Variants in DNAJC2 observed in about 807,000 individuals in gnomAD.
The protein encoded by DNAJC2 is dnaJ homolog subfamily C member 2.
DNAJC2 carries 32 observed loss-of-function variants against 94.0 expected under a neutral mutation model. That is an observed-to-expected ratio of 0.34 (90% CI 0.26 to 0.46). The LOEUF is 0.46. Ranked by LOEUF, DNAJC2 falls within the 20% of genes least tolerant of loss-of-function variation. The probability of loss-of-function intolerance (pLI) is 1.00; values close to 1 mark genes in which losing one functional copy is unlikely to be tolerated. For missense variants in DNAJC2, 550 were observed against 719.5 expected (o/e 0.76, Z 2.69); for synonymous variants, 210 against 229.7 (o/e 0.91, Z 0.77).
At chr7:103,320,707 G>A (rs140178964) in intron 10 of DNAJC2, 2,633 of 151,028 alleles carry the variant, frequency 0.017, 37 homozygotes, top group Non-Finnish European at 0.023. Context: ...TTGCGCCACT[G>A]TACTCCAGCC....
rs1398404512 is a variant in DNAJC2, at chr7:103,322,685, TAAATC to T, written c.811+13_811+17del. 2 of 1,612,798 alleles carry T rather than the reference TAAATC, an allele frequency of 1.2e-6. No individual in the cohort carries two copies. Among genetic ancestry groups the T allele is most frequent in the South Asian group, 1.1e-5 (1 of 91,044 alleles). On this transcript the variant is annotated intron_variant, in intron 8 of 16. Transcript: ENST00000379263. ...TTGAATTTCTAACATTTAGGGGACT[TAAATC>T]AATTCTACTTACCAACTAATGTTCT... is the stretch of plus-strand genomic sequence containing the variant.
At chr7:103,313,339 T>A in intron 15 of DNAJC2, 2 of 1,265,242 alleles carry the variant, frequency 1.6e-6, no homozygotes, top group South Asian at 4.8e-5. Context: ...ATAGTAAAGA[T>A]CTACCTTGTA....
chr7:103,312,306 T>C lies in DNAJC2; in HGVS notation c.*263A>G, dbSNP rs1817789910. 1 of 1,604,404 alleles carries C rather than the reference T, an allele frequency of 6.2e-7. No individual in the cohort carries two copies. Among genetic ancestry groups the C allele is most frequent in the Non-Finnish European group, 8.5e-7 (1 of 1,179,480 alleles). The stretch of plus-strand genomic sequence containing the variant: ...AATCAAGATTGTTTGAACACATGTA[T>C]TTATAAAACAGAGCTAGAGAAAAAT... On this transcript the variant is annotated 3_prime_UTR_variant, in exon 17 of 17. Coordinates refer to ENST00000379263, the MANE Select transcript of DNAJC2 (RefSeq NM_014377.3).
chr7:103,315,988 C>A lies in DNAJC2; in HGVS notation c.1528G>T (p.Asp510Tyr). Residue 510 changes from aspartate to tyrosine, a missense_variant and splice_region_variant, in exon 14 of 17, where the codon GAC becomes TAC. Coordinates refer to ENST00000379263, the MANE Select transcript of DNAJC2 (RefSeq NM_014377.3). ...IGKAKSLQKL[D>Y]PHQKDDINKK... ...AACAAATGGACTTCTCAAAACTCAC[C>A]AAGTTTTTGGAGACTCTTTGCTTTG... 1 of 1,588,512 alleles carries A rather than the reference C, an allele frequency of 6.3e-7. No homozygotes were observed. The highest frequency in any genetic ancestry group is 1.1e-5 in the South Asian group (1 of 86,982).
At chr7:103,314,738 C>A in intron 15 of DNAJC2, 2 of 713,896 alleles carry the variant, frequency 2.8e-6, no homozygotes, top group Non-Finnish European at 3.4e-6. Context: ...CCTATATTAA[C>A]ACTGTAAGTC....
At chr7:103,333,748 C>T (rs546912025) in intron 3 of DNAJC2, among the ~76,000 whole-genome samples, 4 of 152,196 alleles carry the variant, frequency 2.6e-5, no homozygotes, top group Non-Finnish European at 4.4e-5. Context: ...ATGTAACTTA[C>T]AGTATGCCTA....
chr7:103,338,839 G>A (rs1038101848), intron 2 of DNAJC2, among the ~76,000 whole-genome samples: 2 of 152,006 alleles, frequency 1.3e-5, no homozygotes, highest in African/African-American at 4.8e-5. Flanking sequence ...GAACCTGGGA[G>A]GCGGAGGTTG....
At chr7:103,316,648 G>GTAC (rs1818074186) in intron 13 of DNAJC2, 182 bp downstream of exon 13, 1 of 604,102 alleles carries the variant, frequency 1.7e-6, no homozygotes, top group African/African-American at 1.9e-5. Context: ...ATGTGCATGT[G>GTAC]TACTGATGCA....
chr7:103,318,563 C>T (rs900600413), intron 12 of DNAJC2, among the ~76,000 whole-genome samples: 3 of 152,122 alleles, frequency 2.0e-5, no homozygotes, highest in African/African-American at 7.2e-5. Flanking sequence ...CCTTAAGGTT[C>T]TTCTCAGGTT....
chr7:103,330,361 C>T (rs768407153), intron 3 of DNAJC2, among the ~76,000 whole-genome samples: 1 of 152,074 alleles, frequency 6.6e-6, no homozygotes, highest in African/African-American at 2.4e-5. Context: ...AATCTCAGCT[C>T]ACTGTAGTCT....
chr7:103,335,497 A>G (rs1267364863), intron 3 of DNAJC2: 3 of 151,698 alleles, frequency 2.0e-5, no homozygotes, highest in African/African-American at 7.3e-5. Flanking sequence ...TTGGCTAGAG[A>G]ATACATATTC....
At chr7:103,313,284 A>G (rs2115742557) in intron 15 of DNAJC2, 183 bp from the exon 16 acceptor site, 1 of 1,338,276 alleles carries the variant, frequency 7.5e-7, no homozygotes, top group Non-Finnish European at 9.5e-7. Context: ...AATTTCAGAT[A>G]GCTCACATCC....
intron 10 of DNAJC2, among the ~76,000 whole-genome samples, chr7:103,320,340 A>G (rs1381545636): frequency 6.6e-6 from 1 of 151,940 alleles, no homozygotes; most frequent in Non-Finnish European, 1.5e-5. Flanking sequence ...CACCCGCCTC[A>G]GCCTCCCAAA....
chr7:103,326,431 G>T, intron 5 of DNAJC2, 112 bp downstream of exon 5: 1 of 1,090,982 alleles, frequency 9.2e-7, no homozygotes, highest in Non-Finnish European at 1.4e-6. Flanking sequence ...GGAAGAGACA[G>T]TGGAAATAAT....
chr7:103,334,477 G>C (rs1454330281), intron 3 of DNAJC2, among the ~76,000 whole-genome samples: 1 of 151,836 alleles, frequency 6.6e-6, no homozygotes, highest in Non-Finnish European at 1.5e-5. Flanking sequence ...GCAGAAGAAT[G>C]AGGCAGGAGA....
intron 6 of DNAJC2, 63 bp from the exon 7 acceptor site, chr7:103,323,726 G>A (rs1363971007): frequency 8.4e-7 from 1 of 1,195,262 alleles, no homozygotes. Flanking sequence ...TCTTTTTAAT[G>A]CAAGTGAATG....
intron 1 of DNAJC2, 194 bp downstream of exon 1, chr7:103,344,365 C>T (rs1563478063): frequency 3.3e-6 from 2 of 610,986 alleles, no homozygotes; most frequent in Non-Finnish European, 5.7e-6. Flanking sequence ...GGAAGGCACC[C>T]CTCACCCTCC....
At chr7:103,313,484 C>T in intron 15 of DNAJC2, 1 of 984,996 alleles carries the variant, frequency 1.0e-6, no homozygotes, top group Non-Finnish European at 1.2e-6. Flanking sequence ...AAATCTACTT[C>T]CTTACAGAAT....
chr7:103,313,227 T>A (rs1817855635), intron 15 of DNAJC2, 126 bp from the exon 16 acceptor site: 1 of 1,449,104 alleles, frequency 6.9e-7, no homozygotes, highest in African/African-American at 1.4e-5. Context: ...AATAAACTTG[T>A]AGAGATGAGA....
Sources: gnomAD v4.1 joint callset for allele counts (sites outside exome capture counted in the v4.1 genomes callset) on GRCh38, gnomAD v4.1.1 for gene constraint, MANE v1.5 for transcripts, NCBI Gene and HGNC (gene_info 2026-07-23, HGNC 2026-07-21) for gene names.